Variants in CECR2 observed in about 807,000 individuals in gnomAD.
CECR2 encodes the protein CECR2 histone acetyl-lysine reader.
Under a neutral mutation model 154.5 loss-of-function variants are expected in CECR2, and 30 were observed. That is an observed-to-expected ratio of 0.19 (90% CI 0.15 to 0.26). CECR2 has a LOEUF of 0.26. Ranked by LOEUF, CECR2 falls within the 10% of genes least tolerant of loss-of-function variation. The probability of loss-of-function intolerance (pLI) is 1.00; values close to 1 mark genes in which losing one functional copy is unlikely to be tolerated. For missense variants in CECR2, 1,743 were observed against 1,829.3 expected (o/e 0.95, Z 0.86); for synonymous variants, 725 against 683.7 (o/e 1.06, Z -0.94).
chr22:17,408,401 A>G (rs905250823), intron 1 of CECR2, among the ~76,000 whole-genome samples: 8 of 152,006 alleles, frequency 5.3e-5, no homozygotes, highest in African/African-American at 1.9e-4. Context: ...CATCTGTTGT[A>G]TGCCTCAGTT....
intron 1 of CECR2, among the ~76,000 whole-genome samples, chr22:17,407,534 G>T (rs1448960439): frequency 6.6e-6 from 1 of 151,980 alleles, no homozygotes; most frequent in Non-Finnish European, 1.5e-5. Context: ...GGCGGAGATT[G>T]CAGTGAGCTG....
chr22:17,444,357 T>TG (rs1466095220), intron 1 of CECR2, among the ~76,000 whole-genome samples: 1 of 152,152 alleles, frequency 6.6e-6, no homozygotes, highest in Non-Finnish European at 1.5e-5. Context: ...CCAGGTGCAG[T>TG]GGCTCATGCC....
At chr22:17,384,758 C>G (rs1408460051) in intron 1 of CECR2, among the ~76,000 whole-genome samples, 1 of 152,144 alleles carries the variant, frequency 6.6e-6, no homozygotes, top group African/African-American at 2.4e-5. Context: ...AGTCACCAGC[C>G]CCTAAGAGAA....
intron 7 of CECR2, among the ~76,000 whole-genome samples, chr22:17,505,845 T>TTTTC (rs2055834004): frequency 6.9e-6 from 1 of 144,772 alleles, no homozygotes; most frequent in African/African-American, 2.6e-5. Flanking sequence ...CTTTTTTTTT[T>TTTTC]TTTTTTTTTT....
At chr22:17,404,993 T>C (rs1487798671) in intron 1 of CECR2, among the ~76,000 whole-genome samples, 1 of 152,218 alleles carries the variant, frequency 6.6e-6, no homozygotes, top group Non-Finnish European at 1.5e-5. Context: ...TCTCTCTCTC[T>C]AGGTTTTCTT....
chr22:17,522,944 G>T (rs1377606045), intron 8 of CECR2, among the ~76,000 whole-genome samples: 1 of 150,896 alleles, frequency 6.6e-6, no homozygotes, highest in Non-Finnish European at 1.5e-5. Flanking sequence ...GGCAGTGTCT[G>T]CAGTAAGCCA....
At chr22:17,514,498 A>G (rs1459594754) in intron 8 of CECR2, among the ~76,000 whole-genome samples, 1 of 152,210 alleles carries the variant, frequency 6.6e-6, no homozygotes, top group Non-Finnish European at 1.5e-5. Context: ...CTACACCAAC[A>G]TCTCTACCAT....
At chr22:17,522,032 T>C (rs970361001) in intron 8 of CECR2, among the ~76,000 whole-genome samples, 6 of 152,232 alleles carry the variant, frequency 3.9e-5, no homozygotes, top group African/African-American at 1.4e-4. Context: ...TACTGGTTTT[T>C]GTCAGGTTTG....
At chr22:17,370,319 C>CG (rs1192283154) in intron 1 of CECR2, among the ~76,000 whole-genome samples, 11,512 of 64,512 alleles carry the variant, frequency 0.18, 1,153 homozygotes, top group African/African-American at 0.33. Context: ...GGGCCGGGCG[C>CG]GGGGGGGGGG....
chr22:17,543,066 G>A, intron 16 of CECR2, 63 bp downstream of exon 16: 1 of 1,485,434 alleles, frequency 6.7e-7, no homozygotes, highest in Non-Finnish European at 9.0e-7. Context: ...TTTTTACACA[G>A]CATATCAAAC....
chr22:17,518,709 G>T, intron 8 of CECR2: 1 of 429,994 alleles, frequency 2.3e-6, no homozygotes. Context: ...AAGCACCTCA[G>T]CAGTTGGCAC....
intron 9 of CECR2, among the ~76,000 whole-genome samples, chr22:17,526,034 A>G (rs893870971): frequency 6.6e-6 from 1 of 152,238 alleles, no homozygotes; most frequent in East Asian, 1.9e-4. Context: ...AAAGCTTTCT[A>G]CGTTCATGGA....
intron 1 of CECR2, among the ~76,000 whole-genome samples, chr22:17,429,556 A>AAAG (rs1569077256): frequency 7.3e-5 from 11 of 150,274 alleles, no homozygotes; most frequent in Non-Finnish European, 8.9e-5. Context: ...AAAAACAAAA[A>AAAG]CAAAGAAAAG....
At chr22:17,417,647 C>T (rs2054176275) in intron 1 of CECR2, among the ~76,000 whole-genome samples, 1 of 152,036 alleles carries the variant, frequency 6.6e-6, no homozygotes, top group South Asian at 2.1e-4. Context: ...GAGACAGACC[C>T]TTGTTTTTTC....
intron 2 of CECR2, among the ~76,000 whole-genome samples, chr22:17,488,319 T>C (rs2055461394): frequency 6.6e-6 from 1 of 152,232 alleles, no homozygotes; most frequent in Admixed American, 6.5e-5. Flanking sequence ...AATACTTCTG[T>C]TAAGTACGTT....
chr22:17,442,189 G>A (rs753893709), intron 1 of CECR2, among the ~76,000 whole-genome samples: 9 of 152,168 alleles, frequency 5.9e-5, no homozygotes, highest in African/African-American at 9.7e-5. Context: ...GAAGAGTTCC[G>A]TGTGAAATTC....
At chr22:17,551,357 C>T (rs2056705599) in intron 17 of CECR2, among the ~76,000 whole-genome samples, 1 of 151,070 alleles carries the variant, frequency 6.6e-6, no homozygotes, top group South Asian at 2.2e-4. Context: ...ATAAAGGATC[C>T]AATGAAGGCT....
At chr22:17,390,003 G>A (rs2063309609) in intron 1 of CECR2, among the ~76,000 whole-genome samples, 1 of 152,086 alleles carries the variant, frequency 6.6e-6, no homozygotes, top group African/African-American at 2.4e-5. Flanking sequence ...GTAGATAATA[G>A]TATATCAAAT....
At chr22:17,484,567 T>A (rs2055387065) in intron 2 of CECR2, among the ~76,000 whole-genome samples, 1 of 152,170 alleles carries the variant, frequency 6.6e-6, no homozygotes, top group African/African-American at 2.4e-5. Context: ...TAAAAACCAT[T>A]ATTATAGACT....
Sources: gnomAD v4.1 joint callset for allele counts (sites outside exome capture counted in the v4.1 genomes callset) on GRCh38, gnomAD v4.1.1 for gene constraint, MANE v1.5 for transcripts, NCBI Gene and HGNC (gene_info 2026-07-23, HGNC 2026-07-21) for gene names.